Variants in TRABD2A observed in about 807,000 individuals in gnomAD.
TRABD2A encodes metalloprotease TIKI1.
Under a neutral mutation model 45.6 loss-of-function variants are expected in TRABD2A, and 43 were observed. That is an observed-to-expected ratio of 0.94 (90% CI 0.74 to 1.22). TRABD2A has a LOEUF of 1.22. TRABD2A is among the 50% of genes most tolerant of loss of function. The pLI is 0.00. For synonymous variants in TRABD2A, 269 were observed against 265.0 expected, an observed-to-expected ratio of 1.02 and a Z score of -0.15; for missense variants, 642 against 652.4, an observed-to-expected ratio of 0.98 and a Z score of 0.17.
At chr2:84,869,834 TCGGGCGTGGTAGC>T (rs1270719391) in intron 2 of TRABD2A, among the ~76,000 whole-genome samples, 2 of 151,604 alleles carry the variant, frequency 1.3e-5, no homozygotes, top group Admixed American at 1.3e-4. Context: ...CAAAAAGTAG[TCGGGCGTGGTAGC>T]ACACACCTGT....
chr2:84,862,631 G>A (rs907958939), intron 2 of TRABD2A, among the ~76,000 whole-genome samples: 4 of 151,912 alleles, frequency 2.6e-5, no homozygotes, highest in African/African-American at 4.8e-5. Context: ...TTTTAAGTTC[G>A]CTTTGGACTT....
intron 2 of TRABD2A, among the ~76,000 whole-genome samples, chr2:84,851,475 C>T (rs567771460): frequency 6.6e-6 from 1 of 152,150 alleles, no homozygotes; most frequent in African/African-American, 2.4e-5. Context: ...ATGCTTAATC[C>T]CCCCATAGCA....
chr2:84,870,404 T>TCTTG lies in TRABD2A; in HGVS notation c.486_489dup (p.Arg164GlnfsTer15). The TCTTG allele has an allele frequency of 6.2e-7, 1 of 1,614,016 alleles. No homozygotes were observed. The highest frequency in any genetic ancestry group is 1.1e-5 in the South Asian group (1 of 91,082). ...ACCATGAGCATCACCCAGACAGGCC[T>TCTTG]CTTGCGCTCCCAGTTTCCGGCAATA... On this transcript the variant is annotated frameshift_variant, in exon 2 of 7. Coordinates refer to ENST00000409520, the MANE Select transcript of TRABD2A (RefSeq NM_001277053.2). LOFTEE classifies it high-confidence loss of function.
intron 5 of TRABD2A, among the ~76,000 whole-genome samples, chr2:84,829,363 A>AACAC (rs146287038): frequency 3.9e-4 from 57 of 145,712 alleles, no homozygotes; most frequent in South Asian, 3.1e-3. Flanking sequence ...AACAACCAGC[A>AACAC]ACACACACAC....
chr2:84,823,955 C>T lies in TRABD2A; in HGVS notation c.1332G>A (p.Glu444=). ...QFSDLWVRLE[E]SDIVPQLQVP... ...CCGACCCAGCCTACTCGCCTGACCT[C>T]TCCTCCAGGCGGACCCACAGATCGC... Residue 444 remains glutamate, a splice_region_variant and synonymous_variant, in exon 6 of 7, where the codon GAG becomes GAA. Transcript: ENST00000409520. The T allele has an allele frequency of 6.2e-7, 1 of 1,613,688 alleles. No individual in the cohort carries two copies.
At position 84,870,681 on chromosome 2, in the gene TRABD2A, G is replaced by C. The variant is rs778546730; in HGVS notation, c.213C>G (p.Pro71=). Reference sequence around the variant, plus strand: ...GCAGGAAAGCCTCCTTAGAGTTGTCGGGGATGAAGTCCCAAACTCGGGTGT... The same window carrying C: ...GCAGGAAAGCCTCCTTAGAGTTGTCCGGGATGAAGTCCCAAACTCGGGTGT... ...VPYTRVWDFI[P]DNSKEAFLQS... is the part of the protein sequence containing the mutation. Residue 71 remains proline (P), a synonymous_variant, in exon 2 of 7, where the codon CCC becomes CCG. Transcript: ENST00000409520. 16 of 1,607,364 alleles carry C rather than the reference G, an allele frequency of 1.0e-5. No homozygotes were observed. The highest frequency in any genetic ancestry group is 1.4e-5 in the Non-Finnish European group (16 of 1,176,872).
In TRABD2A at chr2:84,862,288, T is replaced by C. The variant is rs544280612; in HGVS notation, c.669+7937A>G. ...ACTCTTTGGAGGAGGGATGAAGAAT[T>C]CGTGTTCTCACTTTTTCTCGCATGG... On this transcript the variant is annotated intron_variant, in intron 2 of 6. Coordinates refer to ENST00000409520, the MANE Select transcript of TRABD2A (RefSeq NM_001277053.2). Among the ~76,000 whole-genome samples, 7 of 152,350 alleles carry C rather than the reference T, an allele frequency of 4.6e-5. No individual in the cohort carries two copies. In the South Asian group the frequency reaches 1.5e-3, roughly 32 times the overall value.
chr2:84,880,840 G>C, intron 1 of TRABD2A, 92 bp downstream of exon 1: 1 of 1,524,470 alleles, frequency 6.6e-7, no homozygotes, highest in East Asian at 2.5e-5. Flanking sequence ...GTCGGCTCGG[G>C]GTCCGAAAGC....
chr2:84,867,993 T>C (rs1239182251), intron 2 of TRABD2A, among the ~76,000 whole-genome samples: 1 of 152,226 alleles, frequency 6.6e-6, no homozygotes, highest in East Asian at 1.9e-4. Flanking sequence ...GGTGGGACTG[T>C]AAACTAGTTC....
rs558574406 is a variant in TRABD2A, at chr2:84,867,553, A to C, written c.669+2672T>G. On this transcript the variant is annotated intron_variant, in intron 2 of 6. Transcript: ENST00000409520. ...AGGACTTCATGACTAAAACACCAAA[A>C]GCAATGGCAACAAAAGCCAAAATTG... Among the ~76,000 whole-genome samples the C allele has an allele frequency of 2.0e-3, 304 of 152,358 alleles. 1 individual carries two copies. Among genetic ancestry groups the C allele is most frequent in the Non-Finnish European group, 3.4e-3 (233 of 68,030 alleles).
At chr2:84,850,428 G>C (rs143513703) in intron 2 of TRABD2A, among the ~76,000 whole-genome samples, 28 of 152,214 alleles carry the variant, frequency 1.8e-4, no homozygotes, top group Non-Finnish European at 2.5e-4. Flanking sequence ...GATGGTGGTG[G>C]TCCTACCCTG....
intron 1 of TRABD2A, among the ~76,000 whole-genome samples, chr2:84,872,004 G>A (rs182886505): frequency 2.4e-4 from 36 of 152,288 alleles, no homozygotes; most frequent in Admixed American, 2.2e-3. Context: ...GAGCAGCGGT[G>A]CATGTTCGTC....
In TRABD2A at chr2:84,849,292, G is replaced by C. The variant is rs903623889; in HGVS notation, c.670-7285C>G. The C allele has an allele frequency of 4.6e-5, 7 of 152,214 alleles. 1 individual carries two copies. The highest frequency in any genetic ancestry group is 1.7e-4 in the African/African-American group (7 of 41,430). The allele number at this position is 152,214 out of a possible 1,614,324, so 9.4% of individuals were successfully genotyped here. Reference sequence around the variant, plus strand: ...CTCATTTCTCCCAGATCTCAGACCAGCCTCCTCTTCCAGACACCCAGATGA... The same window carrying C: ...CTCATTTCTCCCAGATCTCAGACCACCCTCCTCTTCCAGACACCCAGATGA... On this transcript the variant is annotated intron_variant, in intron 2 of 6. Coordinates refer to ENST00000409520, the MANE Select transcript of TRABD2A (RefSeq NM_001277053.2).
intron 5 of TRABD2A, among the ~76,000 whole-genome samples, chr2:84,831,350 G>C (rs1465216997): frequency 6.6e-6 from 1 of 152,096 alleles, no homozygotes; most frequent in African/African-American, 2.4e-5. Flanking sequence ...AAATCACTCA[G>C]TCTGTGGTTG....
intron 2 of TRABD2A, among the ~76,000 whole-genome samples, chr2:84,857,499 A>C (rs1220507487): frequency 6.6e-6 from 1 of 152,242 alleles, no homozygotes. Flanking sequence ...GCCTGGGGCC[A>C]GTTAGGCATG....
chr2:84,861,664 C>T (rs1316080764), intron 2 of TRABD2A, among the ~76,000 whole-genome samples: 1 of 152,228 alleles, frequency 6.6e-6, no homozygotes, highest in Non-Finnish European at 1.5e-5. Context: ...CAACCATCGG[C>T]AGCCTCTTCA....
chr2:84,839,584 C>T (rs374255498), intron 3 of TRABD2A, among the ~76,000 whole-genome samples: 1 of 151,472 alleles, frequency 6.6e-6, no homozygotes, highest in African/African-American at 2.4e-5. Flanking sequence ...TTAAATGGCT[C>T]TGTCTGATGC....
intron 5 of TRABD2A, among the ~76,000 whole-genome samples, chr2:84,828,822 C>T (rs1681225676): frequency 1.3e-5 from 2 of 152,198 alleles, no homozygotes; most frequent in Admixed American, 6.5e-5. Flanking sequence ...AGCTCTTGCA[C>T]AAACCATAGG....
chr2:84,876,077 G>A lies in TRABD2A; in HGVS notation c.108+4855C>T, dbSNP rs562615421. ...ATCATTAACAGATATGGAGAAGGAC[G>A]GGGGTGAAACAGGATTAGAGGGGAA... On this transcript the variant is annotated intron_variant, in intron 1 of 6. Coordinates refer to ENST00000409520, the MANE Select transcript of TRABD2A (RefSeq NM_001277053.2). Among the ~76,000 whole-genome samples the A allele has an allele frequency of 1.1e-4, 17 of 152,214 alleles. No homozygotes were observed. The South Asian group carries it at 3.3e-3, about 30-fold the overall frequency.
Sources: gnomAD v4.1 joint callset for allele counts (sites outside exome capture counted in the v4.1 genomes callset) on GRCh38, gnomAD v4.1.1 for gene constraint, MANE v1.5 for transcripts, NCBI Gene and HGNC (gene_info 2026-07-23, HGNC 2026-07-21) for gene names.